The following B3GALT1 variants were observed in gnomAD, a reference collection of about 807,000 sequenced individuals.
B3GALT1 encodes UDP-Gal:betaGlcNAc beta 1,3-galactosyltransferase, polypeptide 1.
In B3GALT1, 10 loss-of-function variants were observed where a neutral mutation model predicts 23.2. That is an observed-to-expected ratio of 0.43 (90% confidence interval 0.27 to 0.73). B3GALT1 has a LOEUF of 0.73. B3GALT1 is among the 30% of genes least tolerant of loss of function. The pLI, the probability that B3GALT1 is intolerant of heterozygous loss-of-function variation, is 0.21. For synonymous variants in B3GALT1, 156 were observed against 141.5 expected (o/e 1.10, Z -0.73); for missense variants, 299 against 405.4 (o/e 0.74, Z 2.25).
chr2:167,595,932 C>A (rs1473650913), intron 2 of B3GALT1, among the ~76,000 whole-genome samples: 1 of 152,138 alleles, frequency 6.6e-6, no homozygotes, highest in Non-Finnish European at 1.5e-5. Context: ...ATCACTTTAT[C>A]TTCTTACCAC....
intron 1 of B3GALT1, among the ~76,000 whole-genome samples, chr2:167,338,816 T>C (rs115909847): frequency 1.8e-3 from 278 of 151,972 alleles, no homozygotes; most frequent in Admixed American, 3.3e-3. Context: ...AGAAAAACCA[T>C]GAAGAGGAAA....
intron 1 of B3GALT1, among the ~76,000 whole-genome samples, chr2:167,328,255 CCTT>C (rs750242878): frequency 5.9e-5 from 9 of 152,160 alleles, no homozygotes; most frequent in Admixed American, 2.0e-4. Flanking sequence ...AGAAAGGATT[CCTT>C]CTTCTTCAAT....
intron 1 of B3GALT1, among the ~76,000 whole-genome samples, chr2:167,329,318 G>C (rs1020236731): frequency 6.6e-6 from 1 of 152,108 alleles, no homozygotes; most frequent in African/African-American, 2.4e-5. Flanking sequence ...AGTTTCCAAA[G>C]TTTTTGATAT....
chr2:167,361,462 A>G (rs1234638072), intron 1 of B3GALT1, among the ~76,000 whole-genome samples: 1 of 152,212 alleles, frequency 6.6e-6, no homozygotes, highest in Non-Finnish European at 1.5e-5. Flanking sequence ...AAAAGCTGAC[A>G]ATGCACAGTA....
chr2:167,628,738 C>T (rs1403137919), intron 2 of B3GALT1, among the ~76,000 whole-genome samples: 1 of 151,614 alleles, frequency 6.6e-6, no homozygotes, highest in Non-Finnish European at 1.5e-5. Flanking sequence ...GATAAATTCT[C>T]TAAACTTTAT....
At chr2:167,520,942 A>C (rs1042058969) in intron 2 of B3GALT1, among the ~76,000 whole-genome samples, 2 of 151,768 alleles carry the variant, frequency 1.3e-5, no homozygotes, top group Non-Finnish European at 2.9e-5. Flanking sequence ...TCTGCTGTTA[A>C]CCATTGATCC....
chr2:167,501,571 A>G (rs996521144), intron 2 of B3GALT1, among the ~76,000 whole-genome samples: 10 of 151,960 alleles, frequency 6.6e-5, no homozygotes, highest in Non-Finnish European at 1.3e-4. Context: ...ACAAAACACA[A>G]AAAAGATTTT....
At chr2:167,512,648 A>ATT (rs1279731673) in intron 2 of B3GALT1, among the ~76,000 whole-genome samples, 2 of 131,328 alleles carry the variant, frequency 1.5e-5, no homozygotes, top group East Asian at 2.4e-4. Context: ...ATATATATAT[A>ATT]TATTTTGAGA....
chr2:167,764,555 G>A lies in B3GALT1; in HGVS notation c.-351-54117G>A, dbSNP rs542382148. Among the ~76,000 whole-genome samples the A allele has an allele frequency of 1.0e-3, 157 of 152,240 alleles. 1 individual carries two copies. Among genetic ancestry groups the A allele is most frequent in the South Asian group, 3.3e-3 (16 of 4,820 alleles). On this transcript the variant is annotated intron_variant, in intron 3 of 4. Transcript: ENST00000392690. ...CAACAAAGCATTCATTTTTATTTATGCATCTCGAATACACTTTTATACATA... is the reference window on the plus strand; with the variant it reads ...CAACAAAGCATTCATTTTTATTTATACATCTCGAATACACTTTTATACATA...
intron 3 of B3GALT1, among the ~76,000 whole-genome samples, chr2:167,698,994 A>G (rs1033277527): frequency 2.0e-5 from 3 of 152,260 alleles, no homozygotes; most frequent in Non-Finnish European, 4.4e-5. Flanking sequence ...AAAAATGACG[A>G]GAGAATAAAG....
chr2:167,828,967 CTGCCACAATCTGTGTACT>C (rs1306081375), intron 4 of B3GALT1, among the ~76,000 whole-genome samples: 1 of 152,214 alleles, frequency 6.6e-6, no homozygotes, highest in Non-Finnish European at 1.5e-5. Context: ...TCACAACTGA[CTGCCACAATCTGTGTACT>C]ATAACAGAGA....
At chr2:167,560,396 A>G (rs1449683892) in intron 2 of B3GALT1, among the ~76,000 whole-genome samples, 2 of 152,196 alleles carry the variant, frequency 1.3e-5, no homozygotes, top group African/African-American at 2.4e-5. Flanking sequence ...AACTGCATCA[A>G]CTAACAAGCA....
chr2:167,610,077 ATATAGT>A (rs1207508439), intron 2 of B3GALT1, among the ~76,000 whole-genome samples: 1 of 152,290 alleles, frequency 6.6e-6, no homozygotes, highest in East Asian at 1.9e-4. Flanking sequence ...GAAAATGAGG[ATATAGT>A]TAAAGAGGAC....
chr2:167,868,964 C>A lies in B3GALT1; in HGVS notation c.-76C>A. On this transcript the variant is annotated 5_prime_UTR_variant, in exon 5 of 5. Coordinates refer to ENST00000392690, the MANE Select transcript of B3GALT1 (RefSeq NM_020981.4). The stretch of plus-strand genomic sequence containing the variant: ...TTGAAGATTTATTAGTAATATGCTG[C>A]CTTTGGAAGATGAAAACAAACTAGT... 6.8e-7 allele frequency: 1 copy of A among 1,477,582 alleles called. No individual in the cohort carries two copies. Among genetic ancestry groups the A allele is most frequent in the Non-Finnish European group, 9.1e-7 (1 of 1,099,108 alleles). The allele number at this position is 1,477,582 out of a possible 1,614,324, so 91.5% of individuals were successfully genotyped here.
intron 3 of B3GALT1, among the ~76,000 whole-genome samples, chr2:167,726,534 A>T (rs1230621913): frequency 6.6e-6 from 1 of 152,214 alleles, no homozygotes; most frequent in African/African-American, 2.4e-5. Context: ...GGAATGTGAC[A>T]ATCCTCCTAT....
chr2:167,521,994 A>ATG (rs1700195924), intron 2 of B3GALT1, among the ~76,000 whole-genome samples: 1 of 146,460 alleles, frequency 6.8e-6, no homozygotes. Flanking sequence ...GTATATATAT[A>ATG]TATATATATA....
At chr2:167,611,662 G>A (rs1473454084) in intron 2 of B3GALT1, among the ~76,000 whole-genome samples, 2 of 151,968 alleles carry the variant, frequency 1.3e-5, no homozygotes, top group East Asian at 3.9e-4. Flanking sequence ...ATATCTGTGA[G>A]TATTTCTGTG....
chr2:167,826,304 C>T (rs1001354383), intron 4 of B3GALT1, among the ~76,000 whole-genome samples: 2 of 152,106 alleles, frequency 1.3e-5, no homozygotes, highest in African/African-American at 4.8e-5. Context: ...CCCCTCAAGC[C>T]TCCAGAGCCT....
At position 167,764,174 on chromosome 2, in the gene B3GALT1, G is replaced by T. The variant is rs539142500; in HGVS notation, c.-351-54498G>T. On this transcript the variant is annotated intron_variant, in intron 3 of 4. Transcript: ENST00000392690. ...CTGTAGCCTACATTAAGCATCAAGT[G>T]CCCCGTTCCCTTCACAAAAGTTTTC... Among the ~76,000 whole-genome samples, 7 of 152,248 alleles carry T rather than the reference G, an allele frequency of 4.6e-5. No individual in the cohort carries two copies. The East Asian group carries it at 1.3e-3, about 29-fold the overall frequency.
Sources: gnomAD v4.1 joint callset for allele counts (sites outside exome capture counted in the v4.1 genomes callset) on GRCh38, gnomAD v4.1.1 for gene constraint, MANE v1.5 for transcripts, NCBI Gene and HGNC (gene_info 2026-07-23, HGNC 2026-07-21) for gene names.